Variants in SRGAP2 observed in about 807,000 individuals in gnomAD.
SRGAP2 encodes the protein SLIT-ROBO Rho GTPase-activating protein 2.
In SRGAP2, 15 loss-of-function variants were observed where a neutral mutation model predicts 57.2. The observed-to-expected ratio is 0.26, with a 90% CI of 0.18 to 0.40. The LOEUF (loss-of-function observed/expected upper bound fraction) is 0.40. Among genes scored for constraint, SRGAP2 ranks in the 10% least tolerant of loss-of-function variants. The probability of loss-of-function intolerance (pLI) is 1.00; values close to 1 mark genes in which losing one functional copy is unlikely to be tolerated. For missense variants in SRGAP2, 520 were observed against 669.6 expected (o/e 0.78, Z 2.47); for synonymous variants, 249 against 248.0 (o/e 1.00, Z -0.04).
At chr1:206,237,090 TAAAA>T (rs1180042019) in intron 2 of SRGAP2, among the ~76,000 whole-genome samples, 1 of 131,234 alleles carries the variant, frequency 7.6e-6, no homozygotes. Context: ...CCACCTCTAC[TAAAA>T]AAAAAAAAAA....
intron 2 of SRGAP2, among the ~76,000 whole-genome samples, chr1:206,229,760 C>G (rs1553306430): frequency 9.2e-5 from 14 of 151,880 alleles, no homozygotes; most frequent in Non-Finnish European, 2.9e-5. Context: ...TTTAGAGACT[C>G]AAAGTGCTTC....
At chr1:206,446,980 G>T (rs1039414467) in intron 18 of SRGAP2, among the ~76,000 whole-genome samples, 2 of 152,276 alleles carry the variant, frequency 1.3e-5, no homozygotes, top group Admixed American at 1.3e-4. Context: ...TATGGATGAA[G>T]TAGCTGCAAC....
chr1:206,306,219 G>A (rs1672185300), intron 3 of SRGAP2, among the ~76,000 whole-genome samples: 3 of 152,138 alleles, frequency 2.0e-5, no homozygotes, highest in African/African-American at 7.2e-5. Context: ...TGCGGTGAGT[G>A]TTACAGCTCT....
intron 17 of SRGAP2, 96 bp from the exon 18 acceptor site, chr1:206,445,979 C>T: frequency 1.4e-6 from 1 of 695,244 alleles, no homozygotes; most frequent in Non-Finnish European, 2.7e-6. Flanking sequence ...ATTTGTGGAC[C>T]TTCTGCTTTT....
chr1:206,257,920 G>A (rs1245338105), intron 2 of SRGAP2, among the ~76,000 whole-genome samples: 2 of 150,210 alleles, frequency 1.3e-5, no homozygotes, highest in Non-Finnish European at 1.5e-5. Context: ...TTGAGCTGAG[G>A]CAGCTATGAG....
chr1:206,210,901 CA>C (rs1553302324), intron 2 of SRGAP2, among the ~76,000 whole-genome samples: 2 of 151,436 alleles, frequency 1.3e-5, no homozygotes, highest in East Asian at 3.9e-4. Context: ...GAAAAAACAA[CA>C]ACAAAAAAAG....
rs782309413 is a variant in SRGAP2 at position 206,436,947 on chromosome 1, T to A, written c.1556-18T>A. The A allele has an allele frequency of 1.3e-6, 1 of 780,716 alleles. No individual in the cohort carries two copies. The highest frequency in any genetic ancestry group is 1.3e-5 in the South Asian group (1 of 74,630). The allele number at this position is 780,716 out of a possible 1,614,324, so 48.4% of individuals were successfully genotyped here. On this transcript the variant is annotated intron_variant, in intron 14 of 22. Coordinates refer to ENST00000573034, the MANE Select transcript of SRGAP2 (RefSeq NM_015326.5). ...TTTGCTTTTTCTTCTTCTTGATCAC[T>A]TTTCTGTGTATTTCCAGGACTACAG...
intron 2 of SRGAP2, among the ~76,000 whole-genome samples, chr1:206,248,767 T>G (rs1296469858): frequency 2.0e-5 from 3 of 150,204 alleles, no homozygotes; most frequent in African/African-American, 7.3e-5. Context: ...AGTGTTCTAT[T>G]GATTCAACTT....
At chr1:206,220,712 G>T (rs1422853776) in intron 2 of SRGAP2, among the ~76,000 whole-genome samples, 1 of 152,114 alleles carries the variant, frequency 6.6e-6, no homozygotes, top group Non-Finnish European at 1.5e-5. Context: ...TGTTTTTGCT[G>T]CTGTGGCCAC....
intron 19 of SRGAP2, among the ~76,000 whole-genome samples, chr1:206,451,108 C>A (rs1296787733): frequency 7.2e-6 from 1 of 138,052 alleles, no homozygotes; most frequent in Non-Finnish European, 1.5e-5. Flanking sequence ...GAGAGTGAGA[C>A]CCTGTCTAAA....
intron 22 of SRGAP2, among the ~76,000 whole-genome samples, chr1:206,459,974 G>A (rs1553379893): frequency 6.6e-6 from 1 of 152,216 alleles, no homozygotes; most frequent in Non-Finnish European, 1.5e-5. Context: ...TGTCAGGAAA[G>A]GTAGACAGCT....
Position 206,461,416 on chromosome 1 carries a change from T to C in SRGAP2, c.3212T>C (p.Val1071Ala), listed in dbSNP as rs376240259. Residue 1071 changes from valine (V) to alanine (A), a missense_variant, in exon 23 of 23, where the codon GTC becomes GCC. By Grantham distance (64) the Val-to-Ala change is moderately conservative (BLOSUM62 0). Transcript: ENST00000573034. Reference sequence around the variant, plus strand: ...CAGTCTACTGACAAGTCTTGTACTGTCTGAGGGATAATAATTTAATTGTTC... The same window carrying C: ...CAGTCTACTGACAAGTCTTGTACTGCCTGAGGGATAATAATTTAATTGTTC... ...SPQSTDKSCTV is the reference protein window; with the variant it reads ...SPQSTDKSCTA The C allele has an allele frequency of 6.2e-5, 47 of 754,670 alleles. No individual in the cohort carries two copies. Among genetic ancestry groups the C allele is most frequent in the Non-Finnish European group, 1.1e-4 (44 of 402,328 alleles). The allele number at this position is 754,670 out of a possible 1,614,324, so 46.7% of individuals were successfully genotyped here. A position where few individuals can be genotyped will look rare whatever the true frequency, so the allele number is the denominator to read the frequency against.
chr1:206,422,590 G>A (rs1452917321), intron 13 of SRGAP2, among the ~76,000 whole-genome samples: 4 of 152,212 alleles, frequency 2.6e-5, no homozygotes, highest in African/African-American at 9.6e-5. Context: ...TGAGCTTGAA[G>A]TTTGTTCTTT....
intron 2 of SRGAP2, among the ~76,000 whole-genome samples, chr1:206,243,528 G>A (rs528044751): frequency 2.2e-4 from 34 of 152,260 alleles, no homozygotes; most frequent in Admixed American, 1.4e-3. Context: ...GAGCCAAGAG[G>A]CTTCGAGTCA....
At chr1:206,375,495 C>T (rs1553344223) in intron 4 of SRGAP2, among the ~76,000 whole-genome samples, 1 of 152,132 alleles carries the variant, frequency 6.6e-6, no homozygotes, top group African/African-American at 2.4e-5. Context: ...ACAAAGATCA[C>T]AGTGGTAGTT....
intron 2 of SRGAP2, among the ~76,000 whole-genome samples, chr1:206,249,597 G>A (rs1284201012): frequency 1.3e-5 from 2 of 148,314 alleles, no homozygotes; most frequent in Non-Finnish European, 3.0e-5. Flanking sequence ...CTGTCGGGGG[G>A]TGAGAGGCAA....
At chr1:206,307,907 CA>C (rs1230257797) in intron 3 of SRGAP2, among the ~76,000 whole-genome samples, 17 of 152,082 alleles carry the variant, frequency 1.1e-4, no homozygotes, top group African/African-American at 1.5e-4. Flanking sequence ...TCCCACAGTG[CA>C]GGGGGGGGTG....
chr1:206,374,251 C>G (rs533704911), intron 4 of SRGAP2, among the ~76,000 whole-genome samples: 1 of 151,284 alleles, frequency 6.6e-6, no homozygotes, highest in African/African-American at 2.5e-5. Context: ...CTCCTGACCT[C>G]GTGATCCGCC....
At chr1:206,446,651 G>T (rs890845214) in intron 18 of SRGAP2, among the ~76,000 whole-genome samples, 5 of 152,226 alleles carry the variant, frequency 3.3e-5, no homozygotes, top group Admixed American at 6.5e-5. Context: ...TCTACTCTGT[G>T]CTCTGTATTC....
Sources: allele counts gnomAD v4.1 joint callset (sites outside exome capture counted in the v4.1 genomes callset), GRCh38; gene constraint gnomAD v4.1.1; transcripts MANE v1.5; gene names NCBI Gene and HGNC (gene_info 2026-07-23, HGNC 2026-07-21).